Variants in RBFOX1 observed in about 807,000 individuals in gnomAD.
The protein encoded by RBFOX1 is RNA binding protein fox-1 homolog 1.
In RBFOX1, 8 loss-of-function variants were observed where a neutral mutation model predicts 57.7. The ratio of observed to expected loss-of-function variants is 0.14; its 90% CI spans 0.08 to 0.25. RBFOX1 has a LOEUF of 0.25. RBFOX1 is among the 10% of genes least tolerant of loss of function. The probability of loss-of-function intolerance (pLI) is 1.00; values close to 1 mark genes in which losing one functional copy is unlikely to be tolerated. For missense variants in RBFOX1, 611 were observed against 548.5 expected, an observed-to-expected ratio of 1.11 and a Z score of -1.14; for synonymous variants, 326 against 222.4, an observed-to-expected ratio of 1.47 and a Z score of -4.15.
At chr16:7,646,856 G>A (rs1433784369) in intron 11 of RBFOX1, among the ~76,000 whole-genome samples, 1 of 152,102 alleles carries the variant, frequency 6.6e-6, no homozygotes, top group Non-Finnish European at 1.5e-5. Flanking sequence ...ATTTTCGAAG[G>A]TAAGCACCAT....
At chr16:6,021,258 C>G (rs1389340891) in intron 1 of RBFOX1, among the ~76,000 whole-genome samples, 3 of 151,976 alleles carry the variant, frequency 2.0e-5, no homozygotes, top group African/African-American at 7.3e-5. Context: ...CCTTGACAGC[C>G]CAAGTTTAGG....
intron 4 of RBFOX1, among the ~76,000 whole-genome samples, chr16:6,002,267 G>A (rs1011681994): frequency 2.2e-4 from 33 of 152,248 alleles, no homozygotes; most frequent in African/African-American, 4.3e-4. Context: ...ATGAGCGACC[G>A]CTCGTGGCTA....
chr16:7,027,766 G>A (rs902153449), intron 3 of RBFOX1, among the ~76,000 whole-genome samples: 1 of 146,686 alleles, frequency 6.8e-6, no homozygotes, highest in African/African-American at 2.7e-5. Context: ...GTAACATACA[G>A]CTTGCATTTT....
intron 3 of RBFOX1, among the ~76,000 whole-genome samples, chr16:5,736,157 ACTCTTC>A (rs2151576533): frequency 6.6e-6 from 1 of 151,526 alleles, no homozygotes; most frequent in South Asian, 2.1e-4. Context: ...CCGTGGAGCC[ACTCTTC>A]CTGCCTTTGC....
At chr16:7,311,417 A>T (rs1415685891) in intron 4 of RBFOX1, among the ~76,000 whole-genome samples, 1 of 148,294 alleles carries the variant, frequency 6.7e-6, no homozygotes, top group Non-Finnish European at 1.5e-5. Flanking sequence ...GATTTAAGTG[A>T]CTCCAATTTC....
intron 1 of RBFOX1, among the ~76,000 whole-genome samples, chr16:5,343,980 G>C (rs1449013795): frequency 3.3e-5 from 5 of 152,178 alleles, no homozygotes; most frequent in Admixed American, 6.5e-5. Context: ...CAAGAGACTA[G>C]ACTTTCTTTG....
At chr16:7,662,601 A>G (rs1217081876) in intron 12 of RBFOX1, among the ~76,000 whole-genome samples, 1 of 152,228 alleles carries the variant, frequency 6.6e-6, no homozygotes, top group Non-Finnish European at 1.5e-5. Flanking sequence ...TTTAAGGTGC[A>G]ACGAGTCACA....
intron 2 of RBFOX1, among the ~76,000 whole-genome samples, chr16:5,581,065 C>T (rs1052724881): frequency 2.6e-5 from 4 of 152,174 alleles, no homozygotes; most frequent in African/African-American, 4.8e-5. Flanking sequence ...CGTTGTCTGT[C>T]TTCTTAGGTA....
chr16:6,621,646 G>T (rs943600462), intron 2 of RBFOX1, among the ~76,000 whole-genome samples: 35 of 152,142 alleles, frequency 2.3e-4, no homozygotes, highest in African/African-American at 8.2e-4. Flanking sequence ...CATTGTAATT[G>T]ACTACACATA....
intron 4 of RBFOX1, among the ~76,000 whole-genome samples, chr16:7,362,465 T>C (rs1180908719): frequency 6.6e-6 from 1 of 151,688 alleles, no homozygotes; most frequent in East Asian, 1.9e-4. Flanking sequence ...TATATGTTTT[T>C]GTGTGTGTTT....
intron 1 of RBFOX1, among the ~76,000 whole-genome samples, chr16:5,315,430 T>C (rs2064210274): frequency 6.6e-6 from 1 of 152,208 alleles, no homozygotes; most frequent in African/African-American, 2.4e-5. Flanking sequence ...AGGGTACTGC[T>C]GTGATTTTAC....
intron 2 of RBFOX1, among the ~76,000 whole-genome samples, chr16:6,574,719 G>A (rs1278198701): frequency 5.3e-5 from 7 of 133,096 alleles, no homozygotes; most frequent in African/African-American, 8.2e-5. Flanking sequence ...TGACTACCGC[G>A]CCCGGCCCGT....
intron 1 of RBFOX1, among the ~76,000 whole-genome samples, chr16:6,086,823 G>T (rs761680550): frequency 6.4e-4 from 98 of 152,176 alleles, no homozygotes; most frequent in Admixed American, 1.6e-3. Flanking sequence ...TCTTCCCTAA[G>T]CACCATTCAG....
intron 13 of RBFOX1, among the ~76,000 whole-genome samples, chr16:7,674,576 A>G (rs749997632): frequency 6.6e-6 from 1 of 152,222 alleles, no homozygotes; most frequent in Non-Finnish European, 1.5e-5. Context: ...TCTAGATAAT[A>G]AAGTCATAAA....
chr16:7,441,063 C>T (rs1479864800), intron 4 of RBFOX1, among the ~76,000 whole-genome samples: 3 of 151,922 alleles, frequency 2.0e-5, no homozygotes, highest in African/African-American at 4.8e-5. Flanking sequence ...AAAAAAAAGA[C>T]AGCTGTTATT....
chr16:7,036,126 A>C (rs190308968), intron 3 of RBFOX1, among the ~76,000 whole-genome samples: 11 of 152,096 alleles, frequency 7.2e-5, no homozygotes, highest in Admixed American at 5.9e-4. Flanking sequence ...CAGCCTGGGG[A>C]TGTCCACCTT....
At chr16:7,615,982 C>T (rs536174502) in intron 10 of RBFOX1, among the ~76,000 whole-genome samples, 4 of 152,328 alleles carry the variant, frequency 2.6e-5, no homozygotes, top group South Asian at 4.1e-4. Context: ...CTGCAGTCAT[C>T]AATGGCAGTC....
Position 7,591,960 on chromosome 16 carries a change from A to T in RBFOX1, c.469-3589A>T, listed in dbSNP as rs993085011. 3.3e-5 allele frequency among the ~76,000 whole-genome samples: 5 copies of T among 152,056 alleles called. No individual in the cohort carries two copies. In the East Asian group the frequency reaches 9.7e-4, roughly 29 times the overall value. On this transcript the variant is annotated intron_variant, in intron 7 of 15. Transcript: ENST00000550418. Reference sequence around the variant, plus strand: ...TGGCAAAGGTTCCCTGCTCATAGAGAGGACCAGGTGAGGTCTTTCTGGTTA... The same window carrying T: ...TGGCAAAGGTTCCCTGCTCATAGAGTGGACCAGGTGAGGTCTTTCTGGTTA...
At chr16:6,904,599 TAAAAA>T (rs71147623) in intron 3 of RBFOX1, among the ~76,000 whole-genome samples, 3,422 of 63,844 alleles carry the variant, frequency 0.054, 57 homozygotes, top group Non-Finnish European at 0.074. Context: ...AGACTCTCTC[TAAAAA>T]AAAAAAAAAA....
Sources: allele counts gnomAD v4.1 joint callset (sites outside exome capture counted in the v4.1 genomes callset), GRCh38; gene constraint gnomAD v4.1.1; transcripts MANE v1.5; gene names NCBI Gene and HGNC (gene_info 2026-07-23, HGNC 2026-07-21).